FNBP1L: variants seen among roughly 807,000 people sequenced by gnomAD.
FNBP1L encodes formin binding protein 1 like.
FNBP1L carries 36 observed loss-of-function variants against 91.2 expected under a neutral mutation model. That is an observed-to-expected ratio of 0.39 (90% confidence interval 0.30 to 0.52). The LOEUF (loss-of-function observed/expected upper bound fraction) is 0.52, where lower values mean the gene tolerates loss of function less well. Among genes scored for constraint, FNBP1L ranks in the 20% least tolerant of loss-of-function variants. The probability of loss-of-function intolerance (pLI) is 0.66; values close to 1 mark genes in which losing one functional copy is unlikely to be tolerated. For missense variants in FNBP1L, 571 were observed against 732.1 expected (o/e 0.78, Z 2.54); for synonymous variants, 242 against 237.0 (o/e 1.02, Z -0.19).
intron 2 of FNBP1L, among the ~76,000 whole-genome samples, chr1:93,513,848 G>T (rs995981812): frequency 1.6e-4 from 24 of 152,184 alleles, no homozygotes; most frequent in Admixed American, 9.8e-4. Flanking sequence ...CATTCCCTTT[G>T]AAAACTGGCA....
chr1:93,549,535 AATT>A (rs1199713635), intron 15 of FNBP1L, 109 bp downstream of exon 15: 10 of 840,936 alleles, frequency 1.2e-5, no homozygotes, highest in African/African-American at 8.6e-5. Flanking sequence ...GTTGTCAGAA[AATT>A]ATTATCCCAT....
chr1:93,448,126 C>G lies in FNBP1L; in HGVS notation c.-156C>G, dbSNP rs549199360. The G allele has an allele frequency of 3.2e-6, 3 of 927,846 alleles. No individual in the cohort carries two copies. The highest frequency in any genetic ancestry group is 3.6e-5 in the Admixed American group (1 of 27,752). The allele number at this position is 927,846 out of a possible 1,614,324, so 57.5% of individuals were successfully genotyped here. A position where few individuals can be genotyped will look rare whatever the true frequency, so the allele number is the denominator to read the frequency against. The stretch of plus-strand genomic sequence containing the variant: ...GCGGCGGAGGCTTCTCCAGTCGCGT[C>G]TTTCTCACTCACTGGGGAGCCCGGC... On this transcript the variant is annotated 5_prime_UTR_variant, in exon 1 of 17. Coordinates refer to ENST00000271234, the MANE Select transcript of FNBP1L (RefSeq NM_001164473.3).
At chr1:93,521,908 C>T (rs1027207537) in intron 2 of FNBP1L, among the ~76,000 whole-genome samples, 174 bp from the exon 3 acceptor site, 3 of 151,980 alleles carry the variant, frequency 2.0e-5, no homozygotes, top group Admixed American at 1.3e-4. Flanking sequence ...ATTTTAAGAA[C>T]AAATTGTAAG....
intron 1 of FNBP1L, among the ~76,000 whole-genome samples, chr1:93,480,750 G>A (rs182062727): frequency 6.6e-6 from 1 of 152,222 alleles, no homozygotes; most frequent in African/African-American, 2.4e-5. Flanking sequence ...TTTTAGTAGA[G>A]ACGGGGTTTC....
In FNBP1L at chr1:93,553,498, A is replaced by T. The variant is rs1277737350; in HGVS notation, c.*1082A>T. On this transcript the variant is annotated 3_prime_UTR_variant, in exon 17 of 17. Transcript: ENST00000271234. ...ATGCATCAAACTAAAGACATGTCCA[A>T]GTCCATTTTAATTTCCTCAGTGGTT... is the stretch of plus-strand genomic sequence containing the variant. The T allele has an allele frequency of 6.6e-6, 1 of 152,638 alleles. No homozygotes were observed. The highest frequency in any genetic ancestry group is 2.4e-5 in the African/African-American group (1 of 41,440). The allele number at this position is 152,638 out of a possible 1,614,324, so 9.5% of individuals were successfully genotyped here.
intron 1 of FNBP1L, among the ~76,000 whole-genome samples, chr1:93,448,923 T>C (rs1018835979): frequency 6.6e-6 from 1 of 152,170 alleles, no homozygotes; most frequent in South Asian, 2.1e-4. Flanking sequence ...GCCTCAGTGC[T>C]TCGGGCGGGC....
At chr1:93,519,810 A>T (rs985481416) in intron 2 of FNBP1L, among the ~76,000 whole-genome samples, 1 of 152,186 alleles carries the variant, frequency 6.6e-6, no homozygotes, top group African/African-American at 2.4e-5. Flanking sequence ...AAATATTATT[A>T]GTCAGGCATG....
chr1:93,542,788 T>A (rs1672093983), intron 11 of FNBP1L, among the ~76,000 whole-genome samples: 1 of 149,618 alleles, frequency 6.7e-6, no homozygotes, highest in Non-Finnish European at 1.5e-5. Context: ...TTTTTTTTTT[T>A]TTTTTTTTTT....
intron 2 of FNBP1L, among the ~76,000 whole-genome samples, chr1:93,513,890 T>A (rs1442002192): frequency 7.2e-5 from 11 of 152,122 alleles, no homozygotes; most frequent in African/African-American, 1.7e-4. Flanking sequence ...CACCACTCCT[T>A]TTCAACATAG....
At chr1:93,536,082 G>A (rs1405395795) in intron 9 of FNBP1L, among the ~76,000 whole-genome samples, 1 of 152,002 alleles carries the variant, frequency 6.6e-6, no homozygotes, top group Non-Finnish European at 1.5e-5. Context: ...AATATAATTT[G>A]TGAACTCTGT....
At chr1:93,543,998 T>C (rs894954038) in intron 11 of FNBP1L, 109 bp from the exon 12 acceptor site, 1 of 725,548 alleles carries the variant, frequency 1.4e-6, no homozygotes, top group African/African-American at 1.8e-5. Flanking sequence ...TTGAGGCAAA[T>C]TTGAAATTAA....
chr1:93,458,943 T>C (rs1360242338), intron 1 of FNBP1L, among the ~76,000 whole-genome samples: 2 of 152,234 alleles, frequency 1.3e-5, no homozygotes, highest in Non-Finnish European at 2.9e-5. Flanking sequence ...ACTTTGGTAC[T>C]ACACGAGGTT....
chr1:93,527,236 T>C (rs1671523261), intron 5 of FNBP1L, among the ~76,000 whole-genome samples: 1 of 152,176 alleles, frequency 6.6e-6, no homozygotes. Flanking sequence ...GCTATTGTAG[T>C]TTTAAATTGT....
chr1:93,468,577 C>A lies in FNBP1L; in HGVS notation c.24+20272C>A, dbSNP rs571096928. On this transcript the variant is annotated intron_variant, in intron 1 of 16. Transcript: ENST00000271234. ...CCCCATGTAGCTGGGACCACAGGCA[C>A]GTGCCATGACGCCTGGCTAATTTTT... is the stretch of plus-strand genomic sequence containing the variant. 8.3e-4 allele frequency among the ~76,000 whole-genome samples: 126 copies of A among 152,156 alleles called. 1 individual carries two copies. The highest frequency in any genetic ancestry group is 2.4e-3 in the African/African-American group (98 of 41,490).
intron 13 of FNBP1L, 58 bp from the exon 14 acceptor site, chr1:93,547,289 T>C (rs142420426): frequency 8.4e-5 from 109 of 1,301,214 alleles, no homozygotes; most frequent in Middle Eastern, 3.7e-4. Flanking sequence ...TGTAGATATC[T>C]TATGAGCTTT....
intron 2 of FNBP1L, among the ~76,000 whole-genome samples, chr1:93,505,731 A>T (rs1452504654): frequency 1.3e-5 from 2 of 152,168 alleles, no homozygotes; most frequent in African/African-American, 2.4e-5. Context: ...TCCTAATTAG[A>T]TGGGGAGGAA....
At chr1:93,474,920 G>A (rs1283387410) in intron 1 of FNBP1L, among the ~76,000 whole-genome samples, 1 of 152,122 alleles carries the variant, frequency 6.6e-6, no homozygotes, top group Non-Finnish European at 1.5e-5. Flanking sequence ...TTCCTTAGTA[G>A]GAGATATATA....
At chr1:93,488,947 A>G (rs1270212282) in intron 1 of FNBP1L, among the ~76,000 whole-genome samples, 3 of 152,154 alleles carry the variant, frequency 2.0e-5, no homozygotes, top group Non-Finnish European at 4.4e-5. Flanking sequence ...TAAGAGTGAG[A>G]TGGTTAGGAG....
chr1:93,550,410 GTTACTGC>G (rs1344760232), intron 15 of FNBP1L, among the ~76,000 whole-genome samples: 1 of 152,160 alleles, frequency 6.6e-6, no homozygotes, highest in Non-Finnish European at 1.5e-5. Context: ...TGTGAAAATT[GTTACTGC>G]TAAGCAGGTT....
Sources: gnomAD v4.1 joint callset for allele counts (sites outside exome capture counted in the v4.1 genomes callset) on GRCh38, gnomAD v4.1.1 for gene constraint, MANE v1.5 for transcripts, NCBI Gene and HGNC (gene_info 2026-07-23, HGNC 2026-07-21) for gene names.